Variants in ABCC12 observed in about 807,000 individuals in gnomAD.
The protein encoded by ABCC12 is ATP binding cassette subfamily C member 12.
A neutral mutation model predicts 151.1 loss-of-function variants in ABCC12; 142 were observed. The observed-to-expected ratio is 0.94, with a 90% CI of 0.82 to 1.08. The LOEUF is 1.08. ABCC12 is among the 50% of genes least tolerant of loss of function. The probability of loss-of-function intolerance (pLI) is 0.00; values close to 1 mark genes in which losing one functional copy is unlikely to be tolerated. For synonymous variants in ABCC12, 645 were observed against 646.4 expected, an observed-to-expected ratio of 1.00 and a Z score of 0.03; for missense variants, 1,638 against 1,691.1, an observed-to-expected ratio of 0.97 and a Z score of 0.55.
intron 13 of ABCC12, 50 bp from the exon 14 acceptor site, chr16:48,117,383 T>C (rs778989248): frequency 8.8e-6 from 14 of 1,594,606 alleles, no homozygotes; most frequent in East Asian, 4.5e-5. Flanking sequence ...CCCCAAGCAC[T>C]GCTGCCCTGG....
At chr16:48,115,708 G>A (rs959390396) in intron 14 of ABCC12, 90 bp from the exon 15 acceptor site, 1 of 1,336,630 alleles carries the variant, frequency 7.5e-7, no homozygotes, top group Non-Finnish European at 1.0e-6. Context: ...CAGGACTCAG[G>A]GGAAAGACGT....
chr16:48,088,116 C>G (rs539304458), intron 26 of ABCC12, 31 bp from the exon 27 acceptor site: 1 of 1,606,730 alleles, frequency 6.2e-7, no homozygotes, highest in African/African-American at 1.3e-5. Context: ...AACAACAAAT[C>G]AAACATCAGT....
chr16:48,092,587 C>A (rs1208122285), intron 24 of ABCC12, among the ~76,000 whole-genome samples: 3 of 152,132 alleles, frequency 2.0e-5, no homozygotes, highest in Non-Finnish European at 4.4e-5. Flanking sequence ...TAGCGAACTT[C>A]ATTGACTGAG....
chr16:48,138,633 T>C (rs548907537), intron 7 of ABCC12, among the ~76,000 whole-genome samples: 1 of 152,208 alleles, frequency 6.6e-6, no homozygotes, highest in Admixed American at 6.5e-5. Context: ...TGAAGAGGCA[T>C]TCCACTTCCT....
chr16:48,080,905 A>G lies in ABCC12; in HGVS notation c.*2810T>C, dbSNP rs1962316376. Among the ~76,000 whole-genome samples, 2 of 152,210 alleles carry G rather than the reference A, an allele frequency of 1.3e-5. No homozygotes were observed. Among genetic ancestry groups the G allele is most frequent in the African/African-American group, 4.8e-5 (2 of 41,454 alleles). On this transcript the variant is annotated 3_prime_UTR_variant, in exon 31 of 31. Transcript: ENST00000311303. Reference sequence around the variant, plus strand: ...AGTAATTTATAAACAACAGAAATTTATTGCTCACAGTTCTGGACGCTGGGA... The same window carrying G: ...AGTAATTTATAAACAACAGAAATTTGTTGCTCACAGTTCTGGACGCTGGGA...
rs939627498 is a variant in ABCC12 at position 48,111,499 on chromosome 16, G to A, written c.2218C>T (p.Pro740Ser). 3 of 1,614,034 alleles carry A rather than the reference G, an allele frequency of 1.9e-6. No homozygotes were observed. Among genetic ancestry groups the A allele is most frequent in the Non-Finnish European group, 2.5e-6 (3 of 1,180,014 alleles). The stretch of plus-strand genomic sequence containing the variant: ...TTTCCTTCATCTTTCTCATTTCCTG[G>A]AGCCAAAACTAGGGTGAGAAATAAA... Reference protein sequence around the residue: ...EEDAGIIVLAPGNEKDEGKES... With the variant: ...EEDAGIIVLASGNEKDEGKES... Residue 740 changes from proline to serine, a missense_variant, in exon 18 of 31, where the codon CCA becomes TCA. Physicochemically the swap from Pro to Ser is moderately conservative, Grantham distance 74 (BLOSUM62 -1). Coordinates refer to ENST00000311303, the MANE Select transcript of ABCC12 (RefSeq NM_001393797.1).
chr16:48,119,238 C>T (rs1270655585), intron 13 of ABCC12, among the ~76,000 whole-genome samples: 1 of 152,248 alleles, frequency 6.6e-6, no homozygotes, highest in Admixed American at 6.5e-5. Flanking sequence ...ATCTCTGCTG[C>T]CTTGGAACAA....
rs1964793120 is a variant in ABCC12, at chr16:48,141,077, A to C, written c.423+129T>G. ...CTTGACAAGGATTCACTTTATGAAA[A>C]TTCGCCCCCAAGGAGCGCAAAGATA... On this transcript the variant is annotated intron_variant, in intron 5 of 30. Transcript: ENST00000311303. 2.2e-5 allele frequency: 32 copies of C among 1,426,358 alleles called. 1 individual carries two copies. The highest frequency in any genetic ancestry group is 5.1e-4 in the Middle Eastern group (2 of 3,950). The allele number at this position is 1,426,358 out of a possible 1,614,324, so 88.4% of individuals were successfully genotyped here.
chr16:48,153,014 C>A (rs1164314559), intron 2 of ABCC12, among the ~76,000 whole-genome samples: 4 of 152,224 alleles, frequency 2.6e-5, no homozygotes, highest in Non-Finnish European at 5.9e-5. Context: ...ACTTGACTCT[C>A]AAGTCACCCG....
chr16:48,093,287 C>A (rs1240584470), intron 24 of ABCC12, among the ~76,000 whole-genome samples: 1 of 152,146 alleles, frequency 6.6e-6, no homozygotes, highest in African/African-American at 2.4e-5. Flanking sequence ...TTCTACTCTG[C>A]CGGCACCTCA....
chr16:48,096,699 A>T, intron 24 of ABCC12, 47 bp downstream of exon 24: 1 of 1,598,402 alleles, frequency 6.3e-7, no homozygotes, highest in Non-Finnish European at 8.6e-7. Flanking sequence ...CTGATGTATT[A>T]CAGGCCGGAG....
Position 48,104,155 on chromosome 16 carries a change from A to T in ABCC12, c.2887T>A (p.Phe963Ile), listed in dbSNP as rs1268133526. 5 of 1,614,020 alleles carry T rather than the reference A, an allele frequency of 3.1e-6. No homozygotes were observed. The highest frequency in any genetic ancestry group is 4.2e-6 in the Non-Finnish European group (5 of 1,180,006). The stretch of plus-strand genomic sequence containing the variant: ...ACATGGGCCTACCGTAACAGAATGA[A>T]GAAGCCTACAGCAAGGCTGGCCACG... ...LVVASLAVGF[F>I]ILLRIFHRGV... The change falls in exon 22 of 31, where the codon TTC becomes ATC. Residue 963 changes from phenylalanine (F) to isoleucine (I), a missense_variant. By Grantham distance (21) the Phe-to-Ile change is conservative (BLOSUM62 0). Transcript: ENST00000311303.
In ABCC12 at chr16:48,142,927, G is replaced by A. The variant is rs147259051; in HGVS notation, c.275+983C>T. 2.0e-4 allele frequency among the ~76,000 whole-genome samples: 31 copies of A among 152,284 alleles called. 1 individual carries two copies. The East Asian group carries it at 6.0e-3, about 29-fold the overall frequency. The stretch of plus-strand genomic sequence containing the variant: ...TCAGAGTAGGAAAATTCTGGACAGA[G>A]CCACAGTGAGATTTTCATAGTGCTT... On this transcript the variant is annotated intron_variant, in intron 4 of 30. Coordinates refer to ENST00000311303, the MANE Select transcript of ABCC12 (RefSeq NM_001393797.1).
chr16:48,155,193 G>C (rs1033388297), intron 1 of ABCC12, among the ~76,000 whole-genome samples: 13 of 152,206 alleles, frequency 8.5e-5, no homozygotes, highest in African/African-American at 3.1e-4. Flanking sequence ...AGGGAAGTGG[G>C]GGTGCTTTTG....
intron 2 of ABCC12, among the ~76,000 whole-genome samples, chr16:48,151,118 C>A (rs1965111080): frequency 6.6e-6 from 1 of 152,174 alleles, no homozygotes; most frequent in African/African-American, 2.4e-5. Flanking sequence ...AGTGGAGAAG[C>A]CTGGCACACA....
At chr16:48,112,764 G>T (rs1480898811) in intron 15 of ABCC12, among the ~76,000 whole-genome samples, 1 of 152,110 alleles carries the variant, frequency 6.6e-6, no homozygotes, top group Non-Finnish European at 1.5e-5. Flanking sequence ...CCCAGGAGAA[G>T]CAGACCACGG....
At chr16:48,154,566 T>C (rs1264075141) in intron 1 of ABCC12, among the ~76,000 whole-genome samples, 2 of 152,224 alleles carry the variant, frequency 1.3e-5, no homozygotes, top group African/African-American at 2.4e-5. Context: ...ACATTTATTA[T>C]TGCATTGGCA....
chr16:48,095,983 G>C (rs1199241892), intron 24 of ABCC12, among the ~76,000 whole-genome samples: 2 of 152,224 alleles, frequency 1.3e-5, no homozygotes, highest in South Asian at 2.1e-4. Context: ...TGTGACAGCT[G>C]TTATGATCTT....
At chr16:48,098,199 A>G (rs1963175309) in intron 23 of ABCC12, among the ~76,000 whole-genome samples, 1 of 151,904 alleles carries the variant, frequency 6.6e-6, no homozygotes, top group African/African-American at 2.4e-5. Flanking sequence ...AATATATTCA[A>G]GATTGAAATT....
Sources: gnomAD v4.1 joint callset for allele counts (sites outside exome capture counted in the v4.1 genomes callset) on GRCh38, gnomAD v4.1.1 for gene constraint, MANE v1.5 for transcripts, NCBI Gene and HGNC (gene_info 2026-07-23, HGNC 2026-07-21) for gene names.